Variants in PRUNE1 observed in about 807,000 individuals in gnomAD.
PRUNE1 encodes prune exopolyphosphatase 1.
In PRUNE1, 25 loss-of-function variants were observed where a neutral mutation model predicts 42.5. The ratio of observed to expected loss-of-function variants is 0.59; its 90% CI spans 0.43 to 0.82. PRUNE1 has a LOEUF of 0.82. Among genes scored for constraint, PRUNE1 ranks in the 40% least tolerant of loss-of-function variants. The pLI is 0.00. For missense variants in PRUNE1, 443 were observed against 539.3 expected (o/e 0.82, Z 1.77); for synonymous variants, 203 against 217.1 (o/e 0.93, Z 0.57).
intron 1 of PRUNE1, among the ~76,000 whole-genome samples, chr1:151,015,672 C>T (rs1236002892): frequency 2.0e-5 from 3 of 148,450 alleles, no homozygotes; most frequent in Non-Finnish European, 4.5e-5. Context: ...GGCATGGTGG[C>T]GGGTGCCTGT....
chr1:151,023,318 G>A (rs1409235860), intron 3 of PRUNE1, among the ~76,000 whole-genome samples: 1 of 152,178 alleles, frequency 6.6e-6, no homozygotes, highest in Non-Finnish European at 1.5e-5. Context: ...AGGGCCTAGA[G>A]TGGGGCAGTA....
chr1:151,019,355 C>T (rs1028329249), intron 3 of PRUNE1, among the ~76,000 whole-genome samples: 5 of 151,900 alleles, frequency 3.3e-5, no homozygotes, highest in Non-Finnish European at 5.9e-5. Flanking sequence ...TCCAGGAGTT[C>T]AAGACCCGCC....
intron 1 of PRUNE1, among the ~76,000 whole-genome samples, chr1:151,013,885 G>C (rs587666540): frequency 2.0e-5 from 3 of 152,308 alleles, no homozygotes; most frequent in East Asian, 3.9e-4. Context: ...AGTTACTATA[G>C]GACTGGGGTA....
chr1:151,010,472 A>G (rs1317899631), intron 1 of PRUNE1, among the ~76,000 whole-genome samples: 2 of 152,106 alleles, frequency 1.3e-5, no homozygotes, highest in East Asian at 1.9e-4. Flanking sequence ...CTCTCCCTGC[A>G]TTCATCCCCC....
In PRUNE1 at chr1:151,027,777, T is replaced by TGCGCGC. The variant is rs1468374560; in HGVS notation, c.774+451_774+452insCGCGCG. On this transcript the variant is annotated intron_variant, in intron 6 of 7. Coordinates refer to ENST00000271620, the MANE Select transcript of PRUNE1 (RefSeq NM_021222.3). ...GTGTGTGTGTGTGTGTGTGTGTGTG[T>TGCGCGC]GTGTGCGCGCGCGTGTATGTATGTG... Among the ~76,000 whole-genome samples, 351 of 148,910 alleles carry TGCGCGC rather than the reference T, an allele frequency of 2.4e-3. 1 individual carries two copies. Among genetic ancestry groups the TGCGCGC allele is most frequent in the African/African-American group, 8.3e-3 (328 of 39,682 alleles).
intron 1 of PRUNE1, among the ~76,000 whole-genome samples, chr1:151,014,717 AT>A (rs1673992917): frequency 6.6e-6 from 1 of 152,070 alleles, no homozygotes; most frequent in East Asian, 1.9e-4. Flanking sequence ...GACTATATGG[AT>A]TTTCACCTTC....
chr1:151,027,781 T>TGTGTGTGTGTGTGC (rs764369341), intron 6 of PRUNE1, among the ~76,000 whole-genome samples: 49 of 142,594 alleles, frequency 3.4e-4, no homozygotes, highest in African/African-American at 1.2e-3. Context: ...TGTGTGTGTG[T>TGTGTGTGTGTGTGC]GCGCGCGCGT....
intron 3 of PRUNE1, among the ~76,000 whole-genome samples, chr1:151,023,911 G>C (rs979866546): frequency 6.6e-6 from 1 of 151,846 alleles, no homozygotes; most frequent in African/African-American, 2.4e-5. Flanking sequence ...TGCTGGGCGC[G>C]GTGGCTCACG....
intron 5 of PRUNE1, 91 bp from the exon 6 acceptor site, chr1:151,027,142 C>T (rs1571805810): frequency 1.2e-6 from 1 of 808,370 alleles, no homozygotes. Flanking sequence ...GGCTGTTTTT[C>T]CTTCCTTGAC....
In PRUNE1 at chr1:151,012,107, G is replaced by GA. The variant is rs34147552; in HGVS notation, c.39+3443dup. On this transcript the variant is annotated intron_variant, in intron 1 of 7. Coordinates refer to ENST00000271620, the MANE Select transcript of PRUNE1 (RefSeq NM_021222.3). ...GTGGGTCTTTAAAAAAAAGAAAAAA[G>GA]AAAAAAAGTTTGTATTTATTTACTT... Among the ~76,000 whole-genome samples the GA allele has an allele frequency of 6.6e-4, 101 of 152,114 alleles. 1 individual carries two copies. Among genetic ancestry groups the GA allele is most frequent in the Admixed American group, 6.3e-3 (96 of 15,270 alleles).
chr1:151,028,951 C>G lies in PRUNE1; in HGVS notation c.933+7C>G, dbSNP rs769170264. 6.2e-7 allele frequency: 1 copy of G among 1,609,006 alleles called. No individual in the cohort carries two copies. The highest frequency in any genetic ancestry group is 8.5e-7 in the Non-Finnish European group (1 of 1,175,518). ...TGTGGCACTCCAAACAACGGTGAGT[C>G]TGTGTCCCTTCTCCAACCTAAGAGC... On this transcript the variant is annotated splice_region_variant and intron_variant, in intron 7 of 7. Transcript: ENST00000271620.
At chr1:151,015,906 T>G (rs1171245840) in intron 1 of PRUNE1, among the ~76,000 whole-genome samples, 1 of 152,094 alleles carries the variant, frequency 6.6e-6, no homozygotes, top group East Asian at 1.9e-4. Flanking sequence ...ATTTTGTCTG[T>G]CTCATCCCAT....
rs139742452 is a variant in PRUNE1, at chr1:151,018,380, G to C, written c.133-87G>C. The C allele has an allele frequency of 6.6e-5, 76 of 1,152,556 alleles. No homozygotes were observed. The East Asian group carries it at 1.8e-3, about 27-fold the overall frequency. The allele number at this position is 1,152,556 out of a possible 1,614,324, so 71.4% of individuals were successfully genotyped here. ...TTGAGAAAGGTGGTAACTTACCTAA[G>C]TATGTCTCCTTTGGTCCCAGTAGTC... On this transcript the variant is annotated intron_variant, in intron 2 of 7. Transcript: ENST00000271620.
intron 2 of PRUNE1, 69 bp downstream of exon 2, chr1:151,017,973 G>C: frequency 9.2e-7 from 1 of 1,084,824 alleles, no homozygotes; most frequent in Non-Finnish European, 1.4e-6. Flanking sequence ...TCAAGACCCA[G>C]CTCTACCACT....
chr1:151,028,408 T>TTTTTG (rs926145606), intron 6 of PRUNE1, among the ~76,000 whole-genome samples: 8 of 151,694 alleles, frequency 5.3e-5, no homozygotes, highest in South Asian at 2.1e-4. Flanking sequence ...CCCAGCTAAT[T>TTTTTG]TTTTGTTTTG....
rs1675387623 is a variant in PRUNE1, at chr1:151,033,716, C to T, written c.934-90C>T. ...GGCCGACTTACTTTTTAAAAGCTTC[C>T]TCTTCTATAGAGGAAGCCTCTCACT... On this transcript the variant is annotated intron_variant, in intron 7 of 7. Transcript: ENST00000271620. 10 of 1,311,234 alleles carry T rather than the reference C, an allele frequency of 7.6e-6. No homozygotes were observed. The South Asian group carries it at 1.4e-4, about 18-fold the overall frequency. The allele number at this position is 1,311,234 out of a possible 1,614,324, so 81.2% of individuals were successfully genotyped here.
intron 3 of PRUNE1, among the ~76,000 whole-genome samples, chr1:151,023,900 T>C (rs916647079): frequency 2.6e-5 from 4 of 151,576 alleles, no homozygotes; most frequent in Non-Finnish European, 1.5e-5. Context: ...AAGAAAAGAA[T>C]TGCTGGGCGC....
At position 151,017,744 on chromosome 1, in the gene PRUNE1, A is replaced by T. The variant is rs192399409; in HGVS notation, c.40-68A>T. The T allele has an allele frequency of 5.5e-3, 4,471 of 813,668 alleles. 19 individuals are homozygous for T. The highest frequency in any genetic ancestry group is 9.4e-3 in the South Asian group (473 of 50,566). The allele number at this position is 813,668 out of a possible 1,614,324, so 50.4% of individuals were successfully genotyped here. ...TGTCTCAAAAATATATATATTATTT[A>T]AAAAAAAAAGATAAGTGGAAATGAA... On this transcript the variant is annotated intron_variant, in intron 1 of 7. Coordinates refer to ENST00000271620, the MANE Select transcript of PRUNE1 (RefSeq NM_021222.3).
chr1:151,025,456 C>T, intron 4 of PRUNE1, 59 bp from the exon 5 acceptor site: 1 of 1,523,326 alleles, frequency 6.6e-7, no homozygotes, highest in Non-Finnish European at 9.0e-7. Context: ...TATATATGTT[C>T]TGGTGGTTGT....
Sources: gnomAD v4.1 joint callset for allele counts (sites outside exome capture counted in the v4.1 genomes callset) on GRCh38, gnomAD v4.1.1 for gene constraint, MANE v1.5 for transcripts, NCBI Gene and HGNC (gene_info 2026-07-23, HGNC 2026-07-21) for gene names.